PPP3R1: variants seen among roughly 807,000 people sequenced by gnomAD.
PPP3R1 encodes the protein calcineurin subunit B type 1.
In PPP3R1, 5 loss-of-function variants were observed where a neutral mutation model predicts 22.6. The observed-to-expected ratio is 0.22, with a 90% CI of 0.12 to 0.46. PPP3R1 has a LOEUF of 0.46. PPP3R1 is among the 20% of genes least tolerant of loss of function. The pLI is 0.99. For synonymous variants in PPP3R1, 56 were observed against 65.2 expected (o/e 0.86, Z 0.68); for missense variants, 61 against 203.2 (o/e 0.30, Z 4.25).
intron 1 of PPP3R1, among the ~76,000 whole-genome samples, chr2:68,248,403 A>G (rs565408105): frequency 7.2e-5 from 11 of 152,334 alleles, no homozygotes; most frequent in African/African-American, 2.6e-4. Context: ...TTCCTTGTAG[A>G]TAACAATTAT....
chr2:68,250,650 C>T (rs1219872018), intron 1 of PPP3R1, among the ~76,000 whole-genome samples: 3 of 152,224 alleles, frequency 2.0e-5, no homozygotes, highest in Non-Finnish European at 2.9e-5. Flanking sequence ...TGTTTTGTGA[C>T]TTTCAGGTGC....
At chr2:68,231,328 T>C (rs1224623531) in intron 1 of PPP3R1, among the ~76,000 whole-genome samples, 1 of 54,956 alleles carries the variant, frequency 1.8e-5, no homozygotes, top group African/African-American at 5.3e-5. Flanking sequence ...ATTTGGTCTT[T>C]CTTTATGTCT....
At chr2:68,232,975 T>A (rs558565822) in intron 1 of PPP3R1, among the ~76,000 whole-genome samples, 1 of 152,174 alleles carries the variant, frequency 6.6e-6, no homozygotes, top group African/African-American at 2.4e-5. Flanking sequence ...CAGGCTACTA[T>A]CTACTATAAT....
At chr2:68,186,397 C>A in intron 5 of PPP3R1, 71 bp downstream of exon 5, 12 of 1,385,068 alleles carry the variant, frequency 8.7e-6, no homozygotes, top group South Asian at 1.5e-5. Context: ...TATGGAAATT[C>A]TCTATTAAGT....
At chr2:68,225,837 T>G (rs2103784125) in intron 1 of PPP3R1, among the ~76,000 whole-genome samples, 1 of 152,340 alleles carries the variant, frequency 6.6e-6, no homozygotes, top group Admixed American at 6.5e-5. Context: ...ACTCTTAGTG[T>G]AACCAGAAAT....
intron 1 of PPP3R1, among the ~76,000 whole-genome samples, chr2:68,230,141 C>T (rs907873478): frequency 6.6e-6 from 1 of 152,026 alleles, no homozygotes; most frequent in African/African-American, 2.4e-5. Context: ...CACAAGCACT[C>T]GCCACCGTGC....
chr2:68,249,935 G>C (rs1670311168), intron 1 of PPP3R1, among the ~76,000 whole-genome samples: 1 of 152,142 alleles, frequency 6.6e-6, no homozygotes, highest in Admixed American at 6.5e-5. Context: ...AAAGTTTTCA[G>C]AATTGTATGT....
At chr2:68,215,817 G>A (rs1314434381) in intron 2 of PPP3R1, among the ~76,000 whole-genome samples, 1 of 152,074 alleles carries the variant, frequency 6.6e-6, no homozygotes, top group African/African-American at 2.4e-5. Context: ...AGGGGAAAGT[G>A]GGTGGGGAAA....
chr2:68,197,996 C>T (rs1444408813), intron 2 of PPP3R1, among the ~76,000 whole-genome samples: 1 of 118,596 alleles, frequency 8.4e-6, no homozygotes, highest in Non-Finnish European at 1.7e-5. Flanking sequence ...AAAATAATGA[C>T]TTTTTATTCC....
chr2:68,218,646 C>T (rs1312280112), intron 1 of PPP3R1, among the ~76,000 whole-genome samples: 3 of 151,192 alleles, frequency 2.0e-5, no homozygotes, highest in Non-Finnish European at 4.4e-5. Flanking sequence ...TTCCACTCCA[C>T]CTTAAAGTTA....
chr2:68,205,981 G>C (rs997567154), intron 2 of PPP3R1, among the ~76,000 whole-genome samples: 1 of 152,040 alleles, frequency 6.6e-6, no homozygotes, highest in Non-Finnish European at 1.5e-5. Context: ...ACCACACTCG[G>C]CTAATTTTGT....
intron 1 of PPP3R1, among the ~76,000 whole-genome samples, chr2:68,249,162 T>A (rs756777070): frequency 6.6e-6 from 1 of 152,244 alleles, no homozygotes; most frequent in Non-Finnish European, 1.5e-5. Context: ...GTCCCTCTCA[T>A]TGCTGACTGA....
intron 2 of PPP3R1, among the ~76,000 whole-genome samples, chr2:68,194,157 C>T (rs1364691579): frequency 6.6e-6 from 1 of 152,018 alleles, no homozygotes; most frequent in Non-Finnish European, 1.5e-5. Flanking sequence ...AAGTCATATA[C>T]TGTTATCTAA....
At chr2:68,184,893 G>T (rs1401957374) in intron 5 of PPP3R1, among the ~76,000 whole-genome samples, 1 of 152,142 alleles carries the variant, frequency 6.6e-6, no homozygotes, top group African/African-American at 2.4e-5. Context: ...CTGGAGACCA[G>T]CCTGGGCAAC....
At chr2:68,198,748 G>C (rs1674892027) in intron 2 of PPP3R1, among the ~76,000 whole-genome samples, 1 of 152,108 alleles carries the variant, frequency 6.6e-6, no homozygotes, top group African/African-American at 2.4e-5. Flanking sequence ...AAGGTCTTGA[G>C]GAAGCTATAG....
chr2:68,202,503 C>T (rs921380399), intron 2 of PPP3R1, among the ~76,000 whole-genome samples: 2 of 152,070 alleles, frequency 1.3e-5, no homozygotes, highest in African/African-American at 4.8e-5. Flanking sequence ...CGGCTCACTG[C>T]AACCTCTGCC....
chr2:68,247,787 C>G (rs181289091), intron 1 of PPP3R1, among the ~76,000 whole-genome samples: 1 of 152,218 alleles, frequency 6.6e-6, no homozygotes, highest in Non-Finnish European at 1.5e-5. Context: ...TTACCAAGTT[C>G]TTTCTTCTAC....
At chr2:68,247,713 C>T (rs1670263100) in intron 1 of PPP3R1, among the ~76,000 whole-genome samples, 3 of 152,218 alleles carry the variant, frequency 2.0e-5, no homozygotes, top group Admixed American at 2.0e-4. Flanking sequence ...GGGTGGATAG[C>T]ATTATCCAAA....
rs191028332 is a variant in PPP3R1 at position 68,227,104 on chromosome 2, A to G, written c.4-9973T>C. 6.6e-5 allele frequency among the ~76,000 whole-genome samples: 10 copies of G among 152,214 alleles called. No homozygotes were observed. The East Asian group carries it at 1.9e-3, about 29-fold the overall frequency. ...AAATATTCAAAGCTTTACAGAATGC[A>G]TCTATAAAGTTTATTTTTATTCTTT... On this transcript the variant is annotated intron_variant, in intron 1 of 5. Transcript: ENST00000234310.
Sources: allele counts gnomAD v4.1 joint callset (sites outside exome capture counted in the v4.1 genomes callset), GRCh38; gene constraint gnomAD v4.1.1; transcripts MANE v1.5; gene names NCBI Gene and HGNC (gene_info 2026-07-23, HGNC 2026-07-21).